Variants in MEI1 observed in about 807,000 individuals in gnomAD.
MEI1 encodes the protein meiotic double-stranded break formation protein 1.
Under a neutral mutation model 146.2 loss-of-function variants are expected in MEI1, and 103 were observed. The ratio of observed to expected loss-of-function variants is 0.70; its 90% CI spans 0.60 to 0.83. The LOEUF (loss-of-function observed/expected upper bound fraction) is 0.83. MEI1 is among the 40% of genes least tolerant of loss of function. The pLI, the probability that MEI1 is intolerant of heterozygous loss-of-function variation, is 0.00. For synonymous variants in MEI1, 652 were observed against 628.2 expected (o/e 1.04, Z -0.57); for missense variants, 1,529 against 1,533.0 (o/e 1.00, Z 0.04).
intron 11 of MEI1, among the ~76,000 whole-genome samples, chr22:41,735,254 G>A: frequency 9.0e-6 from 1 of 110,812 alleles, no homozygotes; most frequent in South Asian, 3.4e-4. Context: ...TTTTTGAGAT[G>A]GAGTTTTGCT....
intron 10 of MEI1, 27 bp downstream of exon 10, chr22:41,732,371 T>G: frequency 6.2e-7 from 1 of 1,613,360 alleles, no homozygotes. Context: ...AACATGAGGC[T>G]TGTAGGGGCC....
intron 26 of MEI1, among the ~76,000 whole-genome samples, chr22:41,790,885 G>C (rs1411593617): frequency 6.6e-6 from 1 of 152,114 alleles, no homozygotes; most frequent in Non-Finnish European, 1.5e-5. Flanking sequence ...CACCACACCT[G>C]GTCTGAAAAC....
Position 41,716,116 on chromosome 22 carries a change from G to A in MEI1, c.499G>A (p.Ala167Thr). 1.2e-6 allele frequency: 2 copies of A among 1,610,938 alleles called. No individual in the cohort carries two copies. ...TGGCAAGTTGGTGGATGCCATCCCT[G>A]CTCTGGCAGACGAGCTTGTAATGGA... is the stretch of plus-strand genomic sequence containing the variant. The part of the protein sequence containing the change: ...LLGKLVDAIP[A>T]LADELVMEHG... The change falls in exon 5 of 31, where the codon GCT (alanine) becomes ACT (threonine). Residue 167 changes from alanine (A) to threonine (T), a missense_variant. This residue lies in a region of MEI1 where 1,212 missense variants were observed against 1,178.9 expected (regional missense o/e 1.03). Transcript: ENST00000401548.
intron 19 of MEI1, among the ~76,000 whole-genome samples, chr22:41,768,021 A>G (rs757052343): frequency 6.6e-6 from 1 of 152,176 alleles, no homozygotes; most frequent in Non-Finnish European, 1.5e-5. Flanking sequence ...TGCCTTAGCT[A>G]AGTCATATGG....
chr22:41,699,682 G>T lies in MEI1; in HGVS notation c.144G>T (p.Ala48=), dbSNP rs776470770. 6.3e-6 allele frequency: 10 copies of T among 1,587,454 alleles called. No individual in the cohort carries two copies. Among genetic ancestry groups the T allele is most frequent in the Non-Finnish European group, 8.6e-6 (10 of 1,167,598 alleles). ...PVTPRLCLAC[A]LELLPDPGVS... is the part of the protein sequence containing the mutation. ...CCCCCCGCCTGTGCCTGGCCTGCGC[G>T]CTGGAGCTGCTGCCGGACCCCGGCG... The change falls in exon 1 of 31, where the codon GCG becomes GCT. Residue 48 remains alanine (A), a synonymous_variant. Coordinates refer to ENST00000401548, the MANE Select transcript of MEI1 (RefSeq NM_152513.4).
Position 41,732,268 on chromosome 22 carries a change from C to T in MEI1, c.1120C>T (p.Leu374=), listed in dbSNP as rs376326826. 11 of 1,611,278 alleles carry T rather than the reference C, an allele frequency of 6.8e-6. No individual in the cohort carries two copies. The African/African-American group carries it at 1.5e-4, about 22-fold the overall frequency. Residue 374 remains leucine (L), a synonymous_variant, in exon 10 of 31, where the codon CTG becomes TTG. Coordinates refer to ENST00000401548, the MANE Select transcript of MEI1 (RefSeq NM_152513.4). Reference sequence around the variant, plus strand: ...AGGGATCGAGGCAGTGGTGAGGAGCCTGCAGGGAAGCCTGAAGATGAACAA... The same window carrying T: ...AGGGATCGAGGCAGTGGTGAGGAGCTTGCAGGGAAGCCTGAAGATGAACAA... ...VYGIEAVVRS[L]QGSLKMNNIE...
chr22:41,754,023 A>AG lies in MEI1; in HGVS notation c.1929dup (p.Thr644AspfsTer14). 1 of 1,612,934 alleles carries AG rather than the reference A, an allele frequency of 6.2e-7. No homozygotes were observed. The highest frequency in any genetic ancestry group is 8.5e-7 in the Non-Finnish European group (1 of 1,178,958). On this transcript the variant is annotated frameshift_variant, in exon 17 of 31. Transcript: ENST00000401548. LOFTEE classifies it high-confidence loss of function. ...CTCAACCTTCTCTCAGCTCCAGAGA[A>AG]GACAGGACCACCTTCCAAAGAAGGT...
At chr22:41,723,478 G>A (rs1225637469) in intron 6 of MEI1, among the ~76,000 whole-genome samples, 2 of 152,152 alleles carry the variant, frequency 1.3e-5, no homozygotes, top group Middle Eastern at 3.2e-3. Context: ...GCCTCCCAAA[G>A]TGCTGGGATT....
At chr22:41,729,009 C>T (rs1001757392) in intron 7 of MEI1, among the ~76,000 whole-genome samples, 1 of 149,890 alleles carries the variant, frequency 6.7e-6, no homozygotes, top group Non-Finnish European at 1.5e-5. Flanking sequence ...ACTAAAAATA[C>T]AAAAATTAGC....
At chr22:41,745,841 G>A (rs1412152447) in intron 13 of MEI1, 44 bp from the exon 14 acceptor site, 1 of 1,546,246 alleles carries the variant, frequency 6.5e-7, no homozygotes, top group Admixed American at 1.8e-5. Flanking sequence ...TAACCTTTAG[G>A]TTGCATAGGT....
chr22:41,721,102 A>G (rs1272875806), intron 6 of MEI1, among the ~76,000 whole-genome samples: 1 of 145,546 alleles, frequency 6.9e-6, no homozygotes, highest in Non-Finnish European at 1.5e-5. Flanking sequence ...TTTAGTAGAG[A>G]TGGGGTTTCA....
At chr22:41,793,046 T>TC in intron 26 of MEI1, among the ~76,000 whole-genome samples, 1 of 133,304 alleles carries the variant, frequency 7.5e-6, no homozygotes, top group East Asian at 2.2e-4. Flanking sequence ...TTTTTTTTTT[T>TC]TTTTTTTTTT....
intron 3 of MEI1, among the ~76,000 whole-genome samples, chr22:41,710,188 G>T (rs140041672): frequency 9.9e-5 from 15 of 152,156 alleles, no homozygotes; most frequent in South Asian, 2.1e-4. Context: ...CAAAGACCAT[G>T]TGAGGGCAAG....
intron 30 of MEI1, 88 bp from the exon 31 acceptor site, chr22:41,799,166 A>G: frequency 7.7e-7 from 1 of 1,291,786 alleles, no homozygotes; most frequent in Non-Finnish European, 1.1e-6. Context: ...TTGCCTGACC[A>G]TTCTTGACTG....
At chr22:41,699,855 C>G in intron 1 of MEI1, 143 bp downstream of exon 1, 2 of 1,112,716 alleles carry the variant, frequency 1.8e-6, no homozygotes, top group South Asian at 1.7e-5. Flanking sequence ...CCCTGTCAGC[C>G]CGTCCCGGAC....
chr22:41,708,279 A>G (rs1477377111), intron 3 of MEI1, among the ~76,000 whole-genome samples: 1 of 152,218 alleles, frequency 6.6e-6, no homozygotes, highest in Non-Finnish European at 1.5e-5. Flanking sequence ...GATATAGTTA[A>G]TATTTATAAT....
rs188415320 is a variant in MEI1 at position 41,786,664 on chromosome 22, C to A, written c.3345+1881C>A. 1.3e-3 allele frequency among the ~76,000 whole-genome samples: 201 copies of A among 152,300 alleles called. 1 individual carries two copies. Among genetic ancestry groups the A allele is most frequent in the Middle Eastern group, 3.4e-3 (1 of 294 alleles). ...GTCACCATGGCTGGGGCATGGGATG[C>A]CCTGATTGGCCTGGCTTGGGTCAGT... On this transcript the variant is annotated intron_variant, in intron 26 of 30. Coordinates refer to ENST00000401548, the MANE Select transcript of MEI1 (RefSeq NM_152513.4).
At chr22:41,743,402 A>T (rs991843936) in intron 12 of MEI1, among the ~76,000 whole-genome samples, 4 of 152,208 alleles carry the variant, frequency 2.6e-5, no homozygotes, top group African/African-American at 9.6e-5. Context: ...AACTAAAGCC[A>T]CGAGGGTTAA....
At chr22:41,728,361 A>G (rs917463294) in intron 7 of MEI1, among the ~76,000 whole-genome samples, 6 of 152,180 alleles carry the variant, frequency 3.9e-5, no homozygotes, top group African/African-American at 1.4e-4. Flanking sequence ...TACTGTGTTA[A>G]ATCTTTTCTG....
Sources: allele counts gnomAD v4.1 joint callset (sites outside exome capture counted in the v4.1 genomes callset), GRCh38; gene constraint gnomAD v4.1.1; regional missense constraint gnomAD v4.1.1; transcripts MANE v1.5; gene names NCBI Gene and HGNC (gene_info 2026-07-23, HGNC 2026-07-21).